The following TTLL11 variants were observed in gnomAD, a reference collection of about 807,000 sequenced individuals.
The protein encoded by TTLL11 is tubulin tyrosine ligase like 11.
A neutral mutation model predicts 51.7 loss-of-function variants in TTLL11; 42 were observed. The ratio of observed to expected loss-of-function variants is 0.81; its 90% confidence interval spans 0.64 to 1.05. TTLL11 has a LOEUF of 1.05. Among genes scored for constraint, TTLL11 ranks in the 50% least tolerant of loss-of-function variants. The pLI, the probability that TTLL11 is intolerant of heterozygous loss-of-function variation, is 0.00. For missense variants in TTLL11, 799 were observed against 940.4 expected (o/e 0.85, Z 1.97); for synonymous variants, 381 against 383.5 (o/e 0.99, Z 0.08).
At chr9:121,864,978 A>G (rs1291523574) in intron 7 of TTLL11, among the ~76,000 whole-genome samples, 1 of 152,134 alleles carries the variant, frequency 6.6e-6, no homozygotes, top group Non-Finnish European at 1.5e-5. Flanking sequence ...AGAGGATTCT[A>G]TAATGTGAAA....
Position 121,822,671 on chromosome 9 carries a change from G to A in TTLL11, c.2049C>T (p.Pro683=), listed in dbSNP as rs905321808. 10 of 1,543,382 alleles carry A rather than the reference G, an allele frequency of 6.5e-6. No individual in the cohort carries two copies. The highest frequency in any genetic ancestry group is 4.3e-4 in the Middle Eastern group (2 of 4,644). ...GGTTGTCCCCTGCTGGCTGGGCCGA[G>A]GGGGAGGGCTCCTGGGGAGGGCCAC... ...PHRGPPQEPS[P]SAQPAGDNPP... is the part of the protein sequence containing the mutation. The change falls in exon 9 of 9, where the codon CCC becomes CCT. Residue 683 remains proline (P), a synonymous_variant. Transcript: ENST00000321582. The surrounding 1 kb of genome is among the most constrained non-coding windows in gnomAD (Gnocchi z 5.8).
intron 3 of TTLL11, among the ~76,000 whole-genome samples, chr9:122,026,176 T>C (rs12337350): frequency 0.044 from 6,641 of 152,108 alleles, 174 homozygotes; most frequent in African/African-American, 0.074. Flanking sequence ...TGGTGGCTCA[T>C]GTCTATAATC....
intron 6 of TTLL11, among the ~76,000 whole-genome samples, chr9:121,931,200 C>T (rs960669491): frequency 6.6e-6 from 1 of 152,224 alleles, no homozygotes; most frequent in African/African-American, 2.4e-5. Context: ...TTGTCAAACA[C>T]CGAAGCGCTG....
Position 122,026,437 on chromosome 9 carries a change from C to CA in TTLL11, c.693+5285dup, listed in dbSNP as rs59569615. 3.9e-3 allele frequency among the ~76,000 whole-genome samples: 288 copies of CA among 74,444 alleles called. 1 individual carries two copies. The highest frequency in any genetic ancestry group is 9.6e-3 in the Middle Eastern group (1 of 104). 48.8% of individuals were successfully genotyped at this position (74,444 alleles called of 152,430 possible). A position where few individuals can be genotyped will look rare whatever the true frequency, so the allele number is the denominator to read the frequency against. ...TGGGCAACAGAGCAAGACTCCATTT[C>CA]AAAAAAAAAAAAAAAAAGAAGGGAA... On this transcript the variant is annotated intron_variant, in intron 3 of 8. Transcript: ENST00000321582.
rs35808788 is a variant in TTLL11 at position 121,945,221 on chromosome 9, CTT to C, written c.1481+28786_1481+28787del. Among the ~76,000 whole-genome samples, 1,227 of 152,278 alleles carry C rather than the reference CTT, an allele frequency of 8.1e-3. 13 individuals carry two copies. Among genetic ancestry groups the C allele is most frequent in the African/African-American group, 0.028 (1,182 of 41,534 alleles). On this transcript the variant is annotated intron_variant, in intron 6 of 8. Transcript: ENST00000321582. ...CTTAGGAGCAAATCCCAGATGATCT[CTT>C]TTAATAAAATCTTCTCTGAAAAATA... is the stretch of plus-strand genomic sequence containing the variant.
chr9:122,067,246 T>A (rs968682093), intron 1 of TTLL11, among the ~76,000 whole-genome samples: 1 of 152,174 alleles, frequency 6.6e-6, no homozygotes, highest in African/African-American at 2.4e-5. Context: ...TAAAATAACC[T>A]ATAAAAACTC....
At chr9:121,891,371 G>A (rs1256749337) in intron 6 of TTLL11, among the ~76,000 whole-genome samples, 3 of 152,216 alleles carry the variant, frequency 2.0e-5, no homozygotes, top group East Asian at 1.9e-4. Context: ...ATCTGCCACC[G>A]TGCCTGGCAC....
Position 121,815,968 on chromosome 9 carries a change from T to A in TTLL11, c.*6619A>T, listed in dbSNP as rs1836395008. ...GACGTATTTCCTGGCATCCGTCTTG[T>A]TTCCGCACGTCGAGACCCTTCCTTT... On this transcript the variant is annotated 3_prime_UTR_variant, in exon 9 of 9. Coordinates refer to ENST00000321582, the MANE Select transcript of TTLL11 (RefSeq NM_001139442.2). 1 of 152,146 alleles carries A rather than the reference T, an allele frequency of 6.6e-6. No individual in the cohort carries two copies. The highest frequency in any genetic ancestry group is 1.5e-5 in the Non-Finnish European group (1 of 68,026). The allele number at this position is 152,146 out of a possible 1,614,324, so 9.4% of individuals were successfully genotyped here. A position where few individuals can be genotyped will look rare whatever the true frequency, so the allele number is the denominator to read the frequency against.
intron 1 of TTLL11, among the ~76,000 whole-genome samples, chr9:122,091,170 C>A (rs1041383882): frequency 1.3e-5 from 2 of 152,208 alleles, no homozygotes; most frequent in African/African-American, 4.8e-5. Flanking sequence ...ATGTCTCTCT[C>A]TCCCACAGGG....
chr9:122,089,212 C>A (rs1846200587), intron 1 of TTLL11, among the ~76,000 whole-genome samples: 1 of 152,036 alleles, frequency 6.6e-6, no homozygotes, highest in Admixed American at 6.6e-5. Flanking sequence ...CTTACCTGGG[C>A]TACTCATCCA....
chr9:121,860,271 C>G (rs577869608), intron 8 of TTLL11, 66 bp downstream of exon 8: 1 of 1,264,426 alleles, frequency 7.9e-7, no homozygotes, highest in African/African-American at 1.5e-5. Context: ...CAAGAAGGAA[C>G]AGAAAATATA....
At chr9:122,084,916 T>C (rs1846085966) in intron 1 of TTLL11, among the ~76,000 whole-genome samples, 1 of 152,180 alleles carries the variant, frequency 6.6e-6, no homozygotes, top group Non-Finnish European at 1.5e-5. Flanking sequence ...TGATGTCACT[T>C]AAACGGCTAA....
chr9:122,092,564 G>C (rs995690141), intron 1 of TTLL11, 123 bp downstream of exon 1: 1 of 1,450,900 alleles, frequency 6.9e-7, no homozygotes, highest in Non-Finnish European at 9.0e-7. Flanking sequence ...AAGCAGGCCC[G>C]AGCGTGGTGC....
intron 8 of TTLL11, among the ~76,000 whole-genome samples, chr9:121,846,673 T>C (rs926353477): frequency 4.6e-5 from 7 of 152,178 alleles, no homozygotes; most frequent in Admixed American, 3.3e-4. Flanking sequence ...AAGTAGCACA[T>C]GTCTAAACAA....
chr9:121,991,567 G>T (rs1422714807), intron 3 of TTLL11, among the ~76,000 whole-genome samples: 1 of 152,204 alleles, frequency 6.6e-6, no homozygotes, highest in African/African-American at 2.4e-5. Context: ...AGTTTGCACT[G>T]ATGGGAAATT....
intron 4 of TTLL11, among the ~76,000 whole-genome samples, chr9:121,988,520 C>T (rs1011974480): frequency 1.3e-5 from 2 of 152,072 alleles, no homozygotes; most frequent in African/African-American, 4.8e-5. Flanking sequence ...GGCTTCAGCA[C>T]ATTTCCACCT....
chr9:122,011,788 A>G (rs1418588866), intron 3 of TTLL11, among the ~76,000 whole-genome samples: 1 of 152,248 alleles, frequency 6.6e-6, no homozygotes, highest in African/African-American at 2.4e-5. Flanking sequence ...TTATGTCAAA[A>G]TAAAAAGCTA....
At chr9:122,040,688 A>G (rs1394381229) in intron 1 of TTLL11, among the ~76,000 whole-genome samples, 1 of 152,164 alleles carries the variant, frequency 6.6e-6, no homozygotes, top group Non-Finnish European at 1.5e-5. Flanking sequence ...AATGGTGGTG[A>G]CTCAATGCTT....
intron 8 of TTLL11, among the ~76,000 whole-genome samples, chr9:121,824,490 A>G (rs971434215): frequency 8.6e-5 from 13 of 151,648 alleles, no homozygotes; most frequent in African/African-American, 1.9e-4. Context: ...AAAAAAAAAA[A>G]AAAAGAAAAG....
Sources: allele counts gnomAD v4.1 joint callset (sites outside exome capture counted in the v4.1 genomes callset), GRCh38; gene constraint gnomAD v4.1.1; non-coding constraint Gnocchi (gnomAD v3.1); transcripts MANE v1.5; gene names NCBI Gene and HGNC (gene_info 2026-07-23, HGNC 2026-07-21).